TSPYL5: variants seen among roughly 807,000 people sequenced by gnomAD.
TSPYL5 encodes TSPY like 5.
For missense variants in TSPYL5, 556 were observed against 555.5 expected, an observed-to-expected ratio of 1.00 and a Z score of -0.01; for synonymous variants, 276 against 236.1, an observed-to-expected ratio of 1.17 and a Z score of -1.55.
At position 97,276,463 on chromosome 8, in the gene TSPYL5, A is replaced by G; in HGVS notation, c.*128T>C. On this transcript the variant is annotated 3_prime_UTR_variant, in exon 1 of 1. Transcript: ENST00000322128. ...GCAAAAGAACATGATCATAAATGCC[A>G]TATTCTTGTAACTAAAGTCCAAAGG... 8.3e-7 allele frequency: 1 copy of G among 1,199,634 alleles called. No individual in the cohort carries two copies. The highest frequency in any genetic ancestry group is 2.3e-5 in the East Asian group (1 of 42,696). 74.3% of individuals were successfully genotyped at this position (1,199,634 alleles called of 1,614,324 possible).
In TSPYL5 at chr8:97,273,651, G is replaced by A. The variant is rs1367981685; in HGVS notation, c.*2940C>T. The stretch of plus-strand genomic sequence containing the variant: ...GGGGAGGTTATTTTCACAGAACACA[G>A]CAACAATTTCCAAATTATTCTTCCA... On this transcript the variant is annotated 3_prime_UTR_variant, in exon 1 of 1. Transcript: ENST00000322128. 4 of 152,582 alleles carry A rather than the reference G, an allele frequency of 2.6e-5. No homozygotes were observed. Among genetic ancestry groups the A allele is most frequent in the African/African-American group, 4.8e-5 (2 of 41,422 alleles). The allele number at this position is 152,582 out of a possible 1,614,324, so 9.5% of individuals were successfully genotyped here.
rs1208541716 is a variant in TSPYL5, at chr8:97,276,282, A to G, written c.*309T>C. ...AGGATGACTCATGAGTGTCCATGTT[A>G]AAGACAAGTAGGAAAGGCCAGAGCC... On this transcript the variant is annotated 3_prime_UTR_variant, in exon 1 of 1. Coordinates refer to ENST00000322128, the MANE Select transcript of TSPYL5 (RefSeq NM_033512.3). The G allele has an allele frequency of 3.3e-6, 1 of 300,144 alleles. No individual in the cohort carries two copies. Among genetic ancestry groups the G allele is most frequent in the African/African-American group, 2.2e-5 (1 of 46,210 alleles). The allele number at this position is 300,144 out of a possible 1,614,324, so 18.6% of individuals were successfully genotyped here.
chr8:97,277,486 G>C lies in TSPYL5; in HGVS notation c.359C>G (p.Thr120Ser), dbSNP rs2635164. Residue 120 changes from threonine (T) to serine (S), a missense_variant, in exon 1 of 1, where the codon ACT (threonine) becomes AGT (serine). Physicochemically the swap from Thr to Ser is moderately conservative, Grantham distance 58 (BLOSUM62 1). Transcript: ENST00000322128. The surrounding 1 kb of genome is among the most constrained non-coding windows in gnomAD (Gnocchi z 4.5). The stretch of plus-strand genomic sequence containing the variant: ...GGTTCCCGCTGTTCCCACGAAGACA[G>C]TGTCTGCGGCCAGGCGCTCCGAGAG... ...ASLSERLAAD[T>S]VFVGTAGTVG... is the part of the protein sequence containing the mutation. 0.15 allele frequency: 232,669 copies of C among 1,522,438 alleles called. 21,808 individuals carry two copies. The highest frequency in any genetic ancestry group is 0.46 in the African/African-American group (32,974 of 71,656). The allele number at this position is 1,522,438 out of a possible 1,614,324, so 94.3% of individuals were successfully genotyped here.
Position 97,277,560 on chromosome 8 carries a change from C to T in TSPYL5, c.285G>A (p.Gly95=). 1 of 1,469,430 alleles carries T rather than the reference C, an allele frequency of 6.8e-7. No individual in the cohort carries two copies. Among genetic ancestry groups the T allele is most frequent in the South Asian group, 1.4e-5 (1 of 70,980 alleles). 91.0% of individuals were successfully genotyped at this position (1,469,430 alleles called of 1,614,324 possible). A position where few individuals can be genotyped will look rare whatever the true frequency, so the allele number is the denominator to read the frequency against. The part of the protein sequence containing the change: ...CGLALRARAA[G]DHGQAAARPG... Reference sequence around the variant, plus strand: ...GCCTGGCCGCGGCCTGCCCGTGGTCCCCCGCAGCTCGGGCCCGCAGCGCGA... The same window carrying T: ...GCCTGGCCGCGGCCTGCCCGTGGTCTCCCGCAGCTCGGGCCCGCAGCGCGA... The change falls in exon 1 of 1, where the codon GGG becomes GGA. Residue 95 remains glycine, a synonymous_variant. Transcript: ENST00000322128. The surrounding 1 kb of genome is among the most constrained non-coding windows in gnomAD (Gnocchi z 4.5).
chr8:97,277,904 C>T lies in TSPYL5; in HGVS notation c.-60G>A, dbSNP rs1412546352. 1 of 1,334,072 alleles carries T rather than the reference C, an allele frequency of 7.5e-7. No homozygotes were observed. Among genetic ancestry groups the T allele is most frequent in the South Asian group, 2.0e-5 (1 of 49,452 alleles). 82.6% of individuals were successfully genotyped at this position (1,334,072 alleles called of 1,614,324 possible). ...GACCCTGCGGCTCCTGACGCCAGCT[C>T]TCGGTCGGGACCGAGCGGGTCTCTC... On this transcript the variant is annotated 5_prime_UTR_variant, in exon 1 of 1. Transcript: ENST00000322128. This position sits in a 1 kb window ranked among gnomAD's most constrained non-coding sequence, Gnocchi z 4.5.
In TSPYL5 at chr8:97,273,757, T is replaced by C. The variant is rs571312994; in HGVS notation, c.*2834A>G. 2.0e-4 allele frequency: 30 copies of C among 152,628 alleles called. No individual in the cohort carries two copies. The highest frequency in any genetic ancestry group is 5.3e-4 in the African/African-American group (22 of 41,578). The allele number at this position is 152,628 out of a possible 1,614,324, so 9.5% of individuals were successfully genotyped here. On this transcript the variant is annotated 3_prime_UTR_variant, in exon 1 of 1. Coordinates refer to ENST00000322128, the MANE Select transcript of TSPYL5 (RefSeq NM_033512.3). The stretch of plus-strand genomic sequence containing the variant: ...TTTCCATGTTACACAGAAAAAAAGA[T>C]TGACATTCTGGTGAAGGGTCTCAAG...
In TSPYL5 at chr8:97,276,460, G is replaced by T; in HGVS notation, c.*131C>A. 2 of 1,147,222 alleles carry T rather than the reference G, an allele frequency of 1.7e-6. No homozygotes were observed. The highest frequency in any genetic ancestry group is 1.3e-6 in the Non-Finnish European group (1 of 799,910). 71.1% of individuals were successfully genotyped at this position (1,147,222 alleles called of 1,614,324 possible). On this transcript the variant is annotated 3_prime_UTR_variant, in exon 1 of 1. Coordinates refer to ENST00000322128, the MANE Select transcript of TSPYL5 (RefSeq NM_033512.3). ...GAGGCAAAAGAACATGATCATAAATGCCATATTCTTGTAACTAAAGTCCAA... is the reference window on the plus strand; with the variant it reads ...GAGGCAAAAGAACATGATCATAAATTCCATATTCTTGTAACTAAAGTCCAA...
In TSPYL5 at chr8:97,277,474, C is replaced by A; in HGVS notation, c.371G>T (p.Gly124Val). The A allele has an allele frequency of 6.5e-7, 1 of 1,527,476 alleles. No individual in the cohort carries two copies. The highest frequency in any genetic ancestry group is 8.8e-7 in the Non-Finnish European group (1 of 1,139,752). The allele number at this position is 1,527,476 out of a possible 1,614,324, so 94.6% of individuals were successfully genotyped here. A position where few individuals can be genotyped will look rare whatever the true frequency, so the allele number is the denominator to read the frequency against. ...ERLAADTVFV[G>V]TAGTVGRPKN... Reference sequence around the variant, plus strand: ...CGGCCTTCCCACGGTTCCCGCTGTTCCCACGAAGACAGTGTCTGCGGCCAG... The same window carrying A: ...CGGCCTTCCCACGGTTCCCGCTGTTACCACGAAGACAGTGTCTGCGGCCAG... The change falls in exon 1 of 1, where the codon GGA becomes GTA. Residue 124 changes from glycine (G) to valine (V), a missense_variant. Physicochemically the swap from Gly to Val is moderately radical, Grantham distance 109 (BLOSUM62 -3). Coordinates refer to ENST00000322128, the MANE Select transcript of TSPYL5 (RefSeq NM_033512.3). The surrounding 1 kb of genome is among the most constrained non-coding windows in gnomAD (Gnocchi z 4.5).
At position 97,277,311 on chromosome 8, in the gene TSPYL5, C is replaced by A. The variant is rs780774946; in HGVS notation, c.534G>T (p.Ser178=). 4.3e-6 allele frequency: 7 copies of A among 1,611,892 alleles called. No homozygotes were observed. The highest frequency in any genetic ancestry group is 1.3e-5 in the African/African-American group (1 of 74,916). ...QKKGAAGENT[S]VSAGEEKKEE... ...CCTTCTTTTCCTCCCCAGCTGACAC[C>A]GAGGTATTCTCCCCTGCCGCCCCTT... Residue 178 remains serine (S), a synonymous_variant, in exon 1 of 1, where the codon TCG becomes TCT. Coordinates refer to ENST00000322128, the MANE Select transcript of TSPYL5 (RefSeq NM_033512.3). The surrounding 1 kb of genome is among the most constrained non-coding windows in gnomAD (Gnocchi z 4.5).
Position 97,277,911 on chromosome 8 carries a change from G to C in TSPYL5, c.-67C>G, listed in dbSNP as rs559885528. On this transcript the variant is annotated 5_prime_UTR_variant, in exon 1 of 1. Coordinates refer to ENST00000322128, the MANE Select transcript of TSPYL5 (RefSeq NM_033512.3). This position sits in a 1 kb window ranked among gnomAD's most constrained non-coding sequence, Gnocchi z 4.5. Reference sequence around the variant, plus strand: ...CGGCTCCTGACGCCAGCTCTCGGTCGGGACCGAGCGGGTCTCTCCACGGCA... The same window carrying C: ...CGGCTCCTGACGCCAGCTCTCGGTCCGGACCGAGCGGGTCTCTCCACGGCA... The C allele has an allele frequency of 7.6e-6, 10 of 1,312,772 alleles. No homozygotes were observed. Among genetic ancestry groups the C allele is most frequent in the Admixed American group, 3.9e-5 (1 of 25,748 alleles). 81.3% of individuals were successfully genotyped at this position (1,312,772 alleles called of 1,614,324 possible).
Position 97,276,162 on chromosome 8 carries a change from TTGCATAGATGACA to T in TSPYL5, c.*416_*428del, listed in dbSNP as rs1810510105. On this transcript the variant is annotated 3_prime_UTR_variant, in exon 1 of 1. Transcript: ENST00000322128. Reference sequence around the variant, plus strand: ...CATTCTGCAGTGGCAATGGAAACGCTTGCATAGATGACATGCATGGCCAGCATGAACACGAAGC... The same window carrying T: ...CATTCTGCAGTGGCAATGGAAACGCTTGCATGGCCAGCATGAACACGAAGC... 5.6e-6 allele frequency: 1 copy of T among 178,688 alleles called. No homozygotes were observed. The highest frequency in any genetic ancestry group is 1.4e-4 in the South Asian group (1 of 7,102). 11.1% of individuals were successfully genotyped at this position (178,688 alleles called of 1,614,324 possible).
At position 97,277,331 on chromosome 8, in the gene TSPYL5, C is replaced by T. The variant is rs1422627427; in HGVS notation, c.514G>A (p.Ala172Thr). 6.2e-7 allele frequency: 1 copy of T among 1,609,784 alleles called. No homozygotes were observed. The highest frequency in any genetic ancestry group is 8.5e-7 in the Non-Finnish European group (1 of 1,177,638). Reference protein sequence around the residue: ...VIAGGRQKKGAAGENTSVSAG... With the variant: ...VIAGGRQKKGTAGENTSVSAG... ...GACACCGAGGTATTCTCCCCTGCCG[C>T]CCCTTTCTTCTGCCTCCCACCAGCT... Residue 172 changes from alanine to threonine, a missense_variant, in exon 1 of 1, where the codon GCG (alanine) becomes ACG (threonine). Ala to Thr is a moderately conservative substitution (Grantham distance 58). Coordinates refer to ENST00000322128, the MANE Select transcript of TSPYL5 (RefSeq NM_033512.3). The surrounding 1 kb of genome is among the most constrained non-coding windows in gnomAD (Gnocchi z 4.5).
rs1810465032 is a variant in TSPYL5, at chr8:97,273,668, AT to A, written c.*2922del. ...AGAACACAGCAACAATTTCCAAATT[AT>A]TCTTCCAAAACCAGAGTTATGAGAC... On this transcript the variant is annotated 3_prime_UTR_variant, in exon 1 of 1. Transcript: ENST00000322128. 1.3e-5 allele frequency: 2 copies of A among 152,666 alleles called. No individual in the cohort carries two copies. Among genetic ancestry groups the A allele is most frequent in the South Asian group, 4.1e-4 (2 of 4,836 alleles). The allele number at this position is 152,666 out of a possible 1,614,324, so 9.5% of individuals were successfully genotyped here.
rs1301018228 is a variant in TSPYL5 at position 97,277,354 on chromosome 8, G to A, written c.491C>T (p.Ala164Val). Residue 164 changes from alanine (A) to valine (V), a missense_variant, in exon 1 of 1, where the codon GCT becomes GTT. Transcript: ENST00000322128. The surrounding 1 kb of genome is among the most constrained non-coding windows in gnomAD (Gnocchi z 4.5). ...STAGRGPQVI[A>V]GGRQKKGAAG... ...CGCCCCTTTCTTCTGCCTCCCACCA[G>A]CTATGACCTGAGGCCCCCTCCCCGC... is the stretch of plus-strand genomic sequence containing the variant. 4 of 1,607,906 alleles carry A rather than the reference G, an allele frequency of 2.5e-6. No individual in the cohort carries two copies. Among genetic ancestry groups the A allele is most frequent in the Non-Finnish European group, 3.4e-6 (4 of 1,176,742 alleles).
In TSPYL5 at chr8:97,274,334, T is replaced by G. The variant is rs1260598736; in HGVS notation, c.*2257A>C. 6.6e-6 allele frequency: 1 copy of G among 152,054 alleles called. No individual in the cohort carries two copies. Among genetic ancestry groups the G allele is most frequent in the African/African-American group, 2.4e-5 (1 of 41,392 alleles). The allele number at this position is 152,054 out of a possible 1,614,324, so 9.4% of individuals were successfully genotyped here. On this transcript the variant is annotated 3_prime_UTR_variant, in exon 1 of 1. Transcript: ENST00000322128. ...CTTTAAAGGCAAAATGTGCAGCATA[T>G]AGCATTCTTCTGCATGTACAAAGCC...
chr8:97,274,525 C>T lies in TSPYL5; in HGVS notation c.*2066G>A, dbSNP rs920513474. ...ACCCCTTCAATTCTCATTTTCCAAG[C>T]TAGGGAGGTCCCTCCCATACTCTAT... On this transcript the variant is annotated 3_prime_UTR_variant, in exon 1 of 1. Transcript: ENST00000322128. 2.0e-5 allele frequency: 3 copies of T among 152,182 alleles called. No homozygotes were observed. In the East Asian group the frequency reaches 5.8e-4, roughly 29 times the overall value. The allele number at this position is 152,182 out of a possible 1,614,324, so 9.4% of individuals were successfully genotyped here. A position where few individuals can be genotyped will look rare whatever the true frequency, so the allele number is the denominator to read the frequency against.
rs1315874955 is a variant in TSPYL5 at position 97,276,459 on chromosome 8, T to C, written c.*132A>G. ...GGAGGCAAAAGAACATGATCATAAA[T>C]GCCATATTCTTGTAACTAAAGTCCA... On this transcript the variant is annotated 3_prime_UTR_variant, in exon 1 of 1. Transcript: ENST00000322128. 2 of 1,144,658 alleles carry C rather than the reference T, an allele frequency of 1.7e-6. No individual in the cohort carries two copies. The highest frequency in any genetic ancestry group is 2.5e-6 in the Non-Finnish European group (2 of 797,756). The allele number at this position is 1,144,658 out of a possible 1,614,324, so 70.9% of individuals were successfully genotyped here.
rs1810481150 is a variant in TSPYL5, at chr8:97,274,559, G to C, written c.*2032C>G. Reference sequence around the variant, plus strand: ...TCCCTCCCATACTCTATCACTGAGAGACAGGCATGCTCCCCCTGCGGCTTC... The same window carrying C: ...TCCCTCCCATACTCTATCACTGAGACACAGGCATGCTCCCCCTGCGGCTTC... On this transcript the variant is annotated 3_prime_UTR_variant, in exon 1 of 1. Transcript: ENST00000322128. 6.6e-6 allele frequency: 1 copy of C among 151,780 alleles called. No individual in the cohort carries two copies. Among genetic ancestry groups the C allele is most frequent in the Non-Finnish European group, 1.5e-5 (1 of 68,024 alleles). The allele number at this position is 151,780 out of a possible 1,614,324, so 9.4% of individuals were successfully genotyped here.
In TSPYL5 at chr8:97,276,637, T is replaced by C; in HGVS notation, c.1208A>G (p.Lys403Arg). 6.2e-7 allele frequency: 1 copy of C among 1,614,122 alleles called. No individual in the cohort carries two copies. The highest frequency in any genetic ancestry group is 8.5e-7 in the Non-Finnish European group (1 of 1,179,972). Residue 403 changes from lysine (K) to arginine (R), a missense_variant, in exon 1 of 1, where the codon AAG becomes AGG. Physicochemically the swap from Lys to Arg is conservative, Grantham distance 26 (BLOSUM62 2). Coordinates refer to ENST00000322128, the MANE Select transcript of TSPYL5 (RefSeq NM_033512.3). Reference sequence around the variant, plus strand: ...AGGCTGAGTAGTCTCCATTGGCTGCTTTCCTGGACCTTGCCTGCCTTCTTT... The same window carrying C: ...AGGCTGAGTAGTCTCCATTGGCTGCCTTCCTGGACCTTGCCTGCCTTCTTT... ...KEKEGRQGPG[K>R]QPMETTQPGV...
Sources: gnomAD v4.1 joint callset for allele counts on GRCh38, gnomAD v4.1.1 for gene constraint, Gnocchi (gnomAD v3.1) non-coding constraint, MANE v1.5 for transcripts, NCBI Gene and HGNC (gene_info 2026-07-23, HGNC 2026-07-21) for gene names.